The following DOK6 variants were observed in gnomAD, a reference collection of about 807,000 sequenced individuals.
The protein encoded by DOK6 is docking protein 6.
A neutral mutation model predicts 44.0 loss-of-function variants in DOK6; 22 were observed. The observed-to-expected ratio is 0.50, with a 90% CI of 0.36 to 0.71. The LOEUF (loss-of-function observed/expected upper bound fraction) is 0.71. Among genes scored for constraint, DOK6 ranks in the 30% least tolerant of loss-of-function variants. DOK6 has a pLI of 0.00. For synonymous variants in DOK6, 166 were observed against 145.5 expected, an observed-to-expected ratio of 1.14 and a Z score of -1.01; for missense variants, 340 against 416.4, an observed-to-expected ratio of 0.82 and a Z score of 1.60.
At position 69,583,581 on chromosome 18, in the gene DOK6, A is replaced by G. The variant is rs79135989; in HGVS notation, c.175-15803A>G. On this transcript the variant is annotated intron_variant, in intron 2 of 7. Coordinates refer to ENST00000382713, the MANE Select transcript of DOK6 (RefSeq NM_152721.6). ...AATTTTTCACGGGTTGAGCTGCTGTAGTTTACTTTAAGAAATACTTCCCCA... is the reference window on the plus strand; with the variant it reads ...AATTTTTCACGGGTTGAGCTGCTGTGGTTTACTTTAAGAAATACTTCCCCA... Among the ~76,000 whole-genome samples the G allele has an allele frequency of 4.6e-4, 70 of 152,190 alleles. 1 individual carries two copies. The East Asian group carries it at 0.013, about 28-fold the overall frequency.
chr18:69,469,394 G>A (rs1980021749), intron 1 of DOK6: 1 of 150,968 alleles, frequency 6.6e-6, no homozygotes, highest in Non-Finnish European at 1.5e-5. Flanking sequence ...TGTTTGCTTC[G>A]CAGGATAGGG....
chr18:69,656,501 G>A (rs141790362), intron 3 of DOK6, among the ~76,000 whole-genome samples: 25 of 152,206 alleles, frequency 1.6e-4, no homozygotes, highest in African/African-American at 5.8e-4. Flanking sequence ...ATGTTCAGTG[G>A]AAATATAAAT....
At chr18:69,403,201 T>C (rs1219562976) in intron 1 of DOK6, among the ~76,000 whole-genome samples, 5 of 152,178 alleles carry the variant, frequency 3.3e-5, no homozygotes, top group Non-Finnish European at 7.4e-5. Flanking sequence ...GACTGAAGAA[T>C]GTAGCCTGAG....
chr18:69,598,583 A>G (rs1281796121), intron 2 of DOK6, among the ~76,000 whole-genome samples: 1 of 152,142 alleles, frequency 6.6e-6, no homozygotes, highest in Non-Finnish European at 1.5e-5. Flanking sequence ...GCACCTTGAT[A>G]AGCAGATTTT....
At chr18:69,506,697 C>T (rs1981195846) in intron 1 of DOK6, among the ~76,000 whole-genome samples, 1 of 152,022 alleles carries the variant, frequency 6.6e-6, no homozygotes, top group Non-Finnish European at 1.5e-5. Context: ...TGTGAGTAAA[C>T]ATTTCACATA....
chr18:69,535,453 A>G (rs1266297177), intron 1 of DOK6, among the ~76,000 whole-genome samples: 1 of 151,994 alleles, frequency 6.6e-6, no homozygotes, highest in African/African-American at 2.4e-5. Flanking sequence ...TGTAGACAAT[A>G]TAATTTCCAT....
At chr18:69,689,232 G>A (rs1458812719) in intron 4 of DOK6, among the ~76,000 whole-genome samples, 2 of 152,136 alleles carry the variant, frequency 1.3e-5, no homozygotes, top group Non-Finnish European at 2.9e-5. Flanking sequence ...AACTCTCTGT[G>A]GGGACAGAAG....
At chr18:69,719,651 G>C (rs1025279514) in intron 5 of DOK6, among the ~76,000 whole-genome samples, 4 of 152,192 alleles carry the variant, frequency 2.6e-5, no homozygotes, top group African/African-American at 9.6e-5. Context: ...CTCAAACAAA[G>C]AAGGGGTCAG....
At chr18:69,709,956 C>T (rs531196611) in intron 5 of DOK6, among the ~76,000 whole-genome samples, 167 of 152,268 alleles carry the variant, frequency 1.1e-3, no homozygotes, top group African/African-American at 3.6e-3. Context: ...GCTGCCAGAT[C>T]GCTTGAGCTC....
chr18:69,452,218 T>C (rs1208725871), intron 1 of DOK6, among the ~76,000 whole-genome samples: 1 of 148,738 alleles, frequency 6.7e-6, no homozygotes, highest in East Asian at 2.0e-4. Flanking sequence ...CAATAAAAAA[T>C]GATAAAGGGG....
At chr18:69,720,154 A>G (rs1986975277) in intron 5 of DOK6, among the ~76,000 whole-genome samples, 1 of 152,034 alleles carries the variant, frequency 6.6e-6, no homozygotes, top group Admixed American at 6.6e-5. Flanking sequence ...GTGCCACTGC[A>G]CTCCAGCCTG....
At chr18:69,544,494 A>G (rs753744255) in intron 1 of DOK6, among the ~76,000 whole-genome samples, 5 of 151,584 alleles carry the variant, frequency 3.3e-5, no homozygotes, top group Non-Finnish European at 7.4e-5. Context: ...TAATGAAAAC[A>G]CTCAACAAAT....
chr18:69,614,676 G>C (rs1451521299), intron 3 of DOK6, among the ~76,000 whole-genome samples: 1 of 151,674 alleles, frequency 6.6e-6, no homozygotes, highest in African/African-American at 2.4e-5. Flanking sequence ...AAATTAATTT[G>C]TTTTGCATCC....
chr18:69,512,281 C>T (rs1866728109), intron 1 of DOK6, among the ~76,000 whole-genome samples: 1 of 148,972 alleles, frequency 6.7e-6, no homozygotes, highest in Non-Finnish European at 1.5e-5. Flanking sequence ...ATACTTTATT[C>T]AAATGTTGGC....
chr18:69,739,378 A>G (rs1978726582), intron 6 of DOK6, among the ~76,000 whole-genome samples: 2 of 152,368 alleles, frequency 1.3e-5, no homozygotes, highest in African/African-American at 4.8e-5. Context: ...GCATGAAATA[A>G]GAAGCAATGC....
chr18:69,739,151 T>C (rs780506368), intron 6 of DOK6, 48 bp downstream of exon 6: 4 of 1,606,102 alleles, frequency 2.5e-6, no homozygotes, highest in East Asian at 4.5e-5. Context: ...TGAATGTCAC[T>C]GGGATCTGAT....
intron 6 of DOK6, among the ~76,000 whole-genome samples, chr18:69,749,262 A>T (rs1234093328): frequency 6.6e-6 from 1 of 152,178 alleles, no homozygotes; most frequent in African/African-American, 2.4e-5. Flanking sequence ...GTTTACCTAT[A>T]TAACAATCCT....
intron 3 of DOK6, among the ~76,000 whole-genome samples, chr18:69,617,505 A>AGAAAGAAAGAAAAGAAAGAAAG (rs1984320857): frequency 1.3e-4 from 3 of 23,038 alleles, no homozygotes; most frequent in Non-Finnish European, 3.3e-4. Context: ...AGAAAGAAAG[A>AGAAAGAAAGAAAAGAAAGAAAG]GAAAGAAAGA....
intron 1 of DOK6, among the ~76,000 whole-genome samples, chr18:69,463,686 GGTGTCTATGTGTGT>G (rs1298233659): frequency 6.6e-6 from 1 of 151,244 alleles, no homozygotes; most frequent in African/African-American, 2.4e-5. Flanking sequence ...TGCATGTGTG[GGTGTCTATGTGTGT>G]GTGTCTATGT....
Sources: gnomAD v4.1 joint callset for allele counts (sites outside exome capture counted in the v4.1 genomes callset) on GRCh38, gnomAD v4.1.1 for gene constraint, MANE v1.5 for transcripts, NCBI Gene and HGNC (gene_info 2026-07-23, HGNC 2026-07-21) for gene names.